The following NOTCH1 variants were observed in gnomAD, a reference collection of about 807,000 sequenced individuals.
NOTCH1 encodes the protein neurogenic locus notch homolog protein 1.
NOTCH1 carries 37 observed loss-of-function variants against 254.8 expected under a neutral mutation model. That is an observed-to-expected ratio of 0.15 (90% confidence interval 0.11 to 0.19). NOTCH1 has a LOEUF of 0.19. Among genes scored for constraint, NOTCH1 ranks in the 10% least tolerant of loss-of-function variants. The pLI, the probability that NOTCH1 is intolerant of heterozygous loss-of-function variation, is 1.00. For synonymous variants in NOTCH1, 1,731 were observed against 1,618.1 expected (o/e 1.07, Z -1.68); for missense variants, 2,972 against 3,708.6 (o/e 0.80, Z 5.16).
At chr9:136,543,965 G>A in intron 2 of NOTCH1, 59 bp downstream of exon 2, 1 of 1,464,654 alleles carries the variant, frequency 6.8e-7, no homozygotes, top group South Asian at 1.2e-5. Context: ...CTGCGCGGCT[G>A]CAGAAGGCAG....
intron 2 of NOTCH1, among the ~76,000 whole-genome samples, chr9:136,541,313 G>T (rs546945598): frequency 2.0e-5 from 3 of 152,176 alleles, no homozygotes; most frequent in Non-Finnish European, 2.9e-5. Flanking sequence ...GGCAGCTTCC[G>T]GTGAAGGTTC....
chr9:136,501,934 G>C (rs745513308), intron 29 of NOTCH1, 21 bp from the exon 30 acceptor site: 2 of 1,611,432 alleles, frequency 1.2e-6, no homozygotes, highest in Non-Finnish European at 1.7e-6. Flanking sequence ...GGAGTGAGCA[G>C]AGCCTGTCAG....
At chr9:136,510,198 AG>A (rs2133351941) in intron 17 of NOTCH1, among the ~76,000 whole-genome samples, 1 of 152,334 alleles carries the variant, frequency 6.6e-6, no homozygotes, top group Non-Finnish European at 1.5e-5. Flanking sequence ...GCTCCAGGGC[AG>A]GGGGCAGCTT....
Position 136,514,599 on chromosome 9 carries a change from C to T in NOTCH1, c.2118G>A (p.Glu706=), listed in dbSNP as rs1564196927. ...ACAGGCAGGTGGGGTCGTGGTAGCC[C>T]TCGGGGCAGCGGCAGGTGAAGCCAT... ...GINGFTCRCP[E]GYHDPTCLSE... The change falls in exon 13 of 34, where the codon GAG becomes GAA. Residue 706 remains glutamate, a synonymous_variant. Transcript: ENST00000651671. The T allele has an allele frequency of 1.2e-6, 2 of 1,609,672 alleles. No homozygotes were observed.
rs2133328697 is a variant in NOTCH1, at chr9:136,501,797, G to A, written c.5589C>T (p.Pro1863=). Residue 1863 remains proline, a synonymous_variant, in exon 30 of 34, where the codon CCC becomes CCT. Coordinates refer to ENST00000651671, the MANE Select transcript of NOTCH1 (RefSeq NM_017617.5). ...TGCAGTCGGCGTCAACCTCACCCTG[G>A]GGCGGTGTGGGGGCCATGGCAGACA... is the stretch of plus-strand genomic sequence containing the variant. ...LRMSAMAPTP[P]QGEVDADCMD... The A allele has an allele frequency of 6.2e-7, 1 of 1,612,776 alleles. No individual in the cohort carries two copies. Among genetic ancestry groups the A allele is most frequent in the Non-Finnish European group, 8.5e-7 (1 of 1,179,990 alleles).
rs762729988 is a variant in NOTCH1 at position 136,513,063 on chromosome 9, C to T, written c.2425G>A (p.Asp809Asn). Residue 809 changes from aspartate (D) to asparagine (N), a missense_variant, in exon 15 of 34, where the codon GAC becomes AAC. This residue lies in a region of NOTCH1 where 1,343 missense variants were observed against 1,557.0 expected (regional missense o/e 0.86). Coordinates refer to ENST00000651671, the MANE Select transcript of NOTCH1 (RefSeq NM_017617.5). The surrounding 1 kb of genome is among the most constrained non-coding windows in gnomAD (Gnocchi z 4.7). ...PCLNQGTCID[D>N]VAGYKCNCLL... is the part of the protein sequence containing the mutation. ...CAGTTGCACTTGTACCCGGCAACGT[C>T]GTCAATACACGTGCCCTGGTTCAGA... The T allele has an allele frequency of 5.0e-6, 8 of 1,610,518 alleles. No homozygotes were observed. The highest frequency in any genetic ancestry group is 1.1e-5 in the South Asian group (1 of 91,002).
At chr9:136,503,363 G>C (rs749578818) in intron 26 of NOTCH1, 33 bp from the exon 27 acceptor site, 1 of 1,611,946 alleles carries the variant, frequency 6.2e-7, no homozygotes, top group African/African-American at 1.3e-5. Flanking sequence ...GCTGGGACCC[G>C]AGGCTTCCTC....
chr9:136,511,535 G>C (rs888298469), intron 15 of NOTCH1, among the ~76,000 whole-genome samples: 4 of 152,228 alleles, frequency 2.6e-5, no homozygotes, highest in African/African-American at 9.6e-5. Context: ...TGGCAGCGGG[G>C]CACAGCCTAG....
intron 15 of NOTCH1, 143 bp from the exon 16 acceptor site, chr9:136,511,414 G>C: frequency 9.4e-7 from 1 of 1,066,944 alleles, no homozygotes; most frequent in Non-Finnish European, 1.3e-6. Flanking sequence ...ACCCCTGAGC[G>C]CTCCCGGCTG....
chr9:136,514,074 T>A, intron 13 of NOTCH1, among the ~76,000 whole-genome samples: 1 of 152,298 alleles, frequency 6.6e-6, no homozygotes, highest in Non-Finnish European at 1.5e-5. Flanking sequence ...AGTAGGGTGC[T>A]GCGAAAAGCC....
chr9:136,522,287 G>A (rs1166665843), intron 4 of NOTCH1, among the ~76,000 whole-genome samples: 1 of 152,118 alleles, frequency 6.6e-6, no homozygotes, highest in African/African-American at 2.4e-5. Flanking sequence ...GAGACTGGAG[G>A]TTTTCAAAAC....
intron 2 of NOTCH1, among the ~76,000 whole-genome samples, chr9:136,535,400 G>A (rs938237205): frequency 7.2e-5 from 11 of 152,010 alleles, no homozygotes; most frequent in African/African-American, 2.4e-4. Context: ...GCCTGTGAGT[G>A]GGGGGTTCAG....
chr9:136,500,595 G>A lies in NOTCH1; in HGVS notation c.5891C>T (p.Pro1964Leu), dbSNP rs1387329667. Residue 1964 changes from proline to leucine, a missense_variant, in exon 31 of 34, where the codon CCG (proline) becomes CTG (leucine). Pro to Leu is a moderately conservative substitution (Grantham distance 98). Transcript: ENST00000651671. ...GTCGGCAGACACAGCCGCATGCAGC[G>A]GGGTGCGGCCCATGTTGTCCTGGAT... ...ANIQDNMGRT[P>L]LHAAVSADAQ... The A allele has an allele frequency of 6.2e-7, 1 of 1,611,980 alleles. No individual in the cohort carries two copies. The highest frequency in any genetic ancestry group is 8.5e-7 in the Non-Finnish European group (1 of 1,179,886).
chr9:136,530,205 C>G (rs1021340238), intron 2 of NOTCH1, among the ~76,000 whole-genome samples: 1 of 152,242 alleles, frequency 6.6e-6, no homozygotes, highest in Non-Finnish European at 1.5e-5. Flanking sequence ...CCAGGCTTTC[C>G]GGCCCAAACA....
rs1843074866 is a variant in NOTCH1, at chr9:136,505,815, C to T, written c.4081G>A (p.Gly1361Ser). 5.7e-6 allele frequency: 9 copies of T among 1,590,506 alleles called. No individual in the cohort carries two copies. The highest frequency in any genetic ancestry group is 1.1e-5 in the South Asian group (1 of 90,128). The change falls in exon 25 of 34, where the codon GGC (glycine) becomes AGC (serine). Residue 1361 changes from glycine (G) to serine (S), a missense_variant. Physicochemically the swap from Gly to Ser is moderately conservative, Grantham distance 56. This residue lies in a region of NOTCH1 where 1,343 missense variants were observed against 1,557.0 expected (regional missense o/e 0.86). Coordinates refer to ENST00000651671, the MANE Select transcript of NOTCH1 (RefSeq NM_017617.5). ...TCGSLRCLNG[G>S]TCISGPRSPT... ...CTGCGCGGGCCGGAGATGCATGTGC[C>T]GCCGTTGAGGCAGCGCAGGCTGCCG...
intron 3 of NOTCH1, 89 bp from the exon 4 acceptor site, chr9:136,523,277 G>C (rs1438419028): frequency 7.6e-7 from 1 of 1,317,576 alleles, no homozygotes; most frequent in Non-Finnish European, 1.1e-6. Context: ...GGAGGTGCCA[G>C]CCTGGGCTCC....
rs898286488 is a variant in NOTCH1, at chr9:136,545,848, G to A, written c.-62C>T. 5.9e-5 allele frequency: 55 copies of A among 926,312 alleles called. No individual in the cohort carries two copies. The African/African-American group carries it at 9.3e-4, about 16-fold the overall frequency. 57.4% of individuals were successfully genotyped at this position (926,312 alleles called of 1,614,324 possible). ...GCCTCCTGCGCTGGCCGGCGGGGCT[G>A]GGACGCACACGCGCGGCGTACGGTC... On this transcript the variant is annotated 5_prime_UTR_variant, in exon 1 of 34. Coordinates refer to ENST00000651671, the MANE Select transcript of NOTCH1 (RefSeq NM_017617.5). The surrounding 1 kb of genome is among the most constrained non-coding windows in gnomAD (Gnocchi z 6.8).
Position 136,503,125 on chromosome 9 carries a change from C to T in NOTCH1, c.5167+57G>A, listed in dbSNP as rs755755232. The stretch of plus-strand genomic sequence containing the variant: ...ACAAACAGCCAGCGTGTCTGGGGCA[C>T]GGGGGGATGGCACCCCCTGCAGGCA... On this transcript the variant is annotated intron_variant, in intron 27 of 33. Coordinates refer to ENST00000651671, the MANE Select transcript of NOTCH1 (RefSeq NM_017617.5). 4.9e-4 allele frequency: 790 copies of T among 1,609,466 alleles called. 2 individuals are homozygous for T. The highest frequency in any genetic ancestry group is 6.3e-4 in the Non-Finnish European group (745 of 1,178,338).
In NOTCH1 at chr9:136,505,647, G is replaced by C. The variant is rs1481418937; in HGVS notation, c.4249C>G (p.Pro1417Ala). 6.2e-7 allele frequency: 1 copy of C among 1,612,070 alleles called. No individual in the cohort carries two copies. The highest frequency in any genetic ancestry group is 8.5e-7 in the Non-Finnish European group (1 of 1,179,592). Residue 1417 changes from proline (P) to alanine (A), a missense_variant, in exon 25 of 34, where the codon CCC becomes GCC. By Grantham distance (27) the Pro-to-Ala change is conservative (BLOSUM62 -1). Around this residue, in one of 8 missense-constraint regions of NOTCH1, gnomAD observed 1,343 missense variants for 1,557.0 expected, o/e 0.86. Coordinates refer to ENST00000651671, the MANE Select transcript of NOTCH1 (RefSeq NM_017617.5). ...SESPFYRCLC[P>A]AKFNGLLCHI... ...CACAAGAGCCCGTTGAATTTGGCGG[G>C]GCACAGGCAACGGTAGAAGGGGCTC...
Sources: gnomAD v4.1 joint callset for allele counts (sites outside exome capture counted in the v4.1 genomes callset) on GRCh38, gnomAD v4.1.1 for gene constraint, gnomAD v4.1.1 regional missense constraint, Gnocchi (gnomAD v3.1) non-coding constraint, MANE v1.5 for transcripts, NCBI Gene and HGNC (gene_info 2026-07-23, HGNC 2026-07-21) for gene names.